The following SLC16A12 variants were observed in gnomAD, a reference collection of about 807,000 sequenced individuals.
SLC16A12 encodes the protein solute carrier family 16 member 12.
In SLC16A12, 17 loss-of-function variants were observed where a neutral mutation model predicts 42.4. That is an observed-to-expected ratio of 0.40 (90% CI 0.27 to 0.60). The LOEUF is 0.60. SLC16A12 is among the 20% of genes least tolerant of loss of function. The pLI, the probability that SLC16A12 is intolerant of heterozygous loss-of-function variation, is 0.42. For missense variants in SLC16A12, 544 were observed against 623.0 expected (o/e 0.87, Z 1.35); for synonymous variants, 224 against 229.4 (o/e 0.98, Z 0.21).
intron 2 of SLC16A12, among the ~76,000 whole-genome samples, chr10:89,482,675 T>A (rs972689750): frequency 5.3e-5 from 8 of 151,616 alleles, no homozygotes; most frequent in Middle Eastern, 3.4e-3. Context: ...TCCCAGCTAC[T>A]AGGGAAGCTG....
intron 2 of SLC16A12, chr10:89,468,055 T>A (rs1842433245): frequency 6.6e-6 from 1 of 152,216 alleles, no homozygotes; most frequent in South Asian, 2.1e-4. Flanking sequence ...CATTTCCACA[T>A]GTAATAAGTT....
intron 3 of SLC16A12, among the ~76,000 whole-genome samples, chr10:89,457,160 CA>C (rs901414859): frequency 4.5e-4 from 69 of 152,014 alleles, no homozygotes; most frequent in African/African-American, 1.6e-3. Flanking sequence ...TTCTGCACAG[CA>C]AAAGAAACTA....
intron 2 of SLC16A12, among the ~76,000 whole-genome samples, chr10:89,477,334 G>A (rs1161908487): frequency 6.6e-6 from 1 of 152,162 alleles, no homozygotes; most frequent in Non-Finnish European, 1.5e-5. Context: ...GGAGGCCGAG[G>A]TGGGCGGATC....
chr10:89,441,338 C>A lies in SLC16A12; in HGVS notation c.305-87G>T, dbSNP rs1841907629. 3.2e-6 allele frequency: 5 copies of A among 1,544,340 alleles called. No homozygotes were observed. The African/African-American group carries it at 4.1e-5, about 13-fold the overall frequency. The stretch of plus-strand genomic sequence containing the variant: ...GATGTGGCATTGACAGAGGAGAGAA[C>A]CTTTAAAGCATTGAGCCCACCCTAT... On this transcript the variant is annotated intron_variant, in intron 4 of 7. Transcript: ENST00000371790.
At chr10:89,481,664 T>TGTGTGTGAGA (rs559651910) in intron 2 of SLC16A12, among the ~76,000 whole-genome samples, 6 of 139,570 alleles carry the variant, frequency 4.3e-5, no homozygotes, top group East Asian at 2.2e-4. Context: ...TGTGTGTGTG[T>TGTGTGTGAGA]GAGAGAGAGA....
At chr10:89,479,306 CT>C (rs199616415) in intron 2 of SLC16A12, among the ~76,000 whole-genome samples, 35 of 147,470 alleles carry the variant, frequency 2.4e-4, no homozygotes, top group East Asian at 7.9e-4. Flanking sequence ...CACTCTTTCT[CT>C]TTTTTTTTTT....
At chr10:89,486,061 A>G (rs2133795831) in intron 2 of SLC16A12, among the ~76,000 whole-genome samples, 1 of 152,338 alleles carries the variant, frequency 6.6e-6, no homozygotes, top group African/African-American at 2.4e-5. Flanking sequence ...AAGATGTAAA[A>G]TAACAAAAGA....
At chr10:89,531,519 T>C (rs1040091576) in intron 2 of SLC16A12, among the ~76,000 whole-genome samples, 1 of 152,278 alleles carries the variant, frequency 6.6e-6, no homozygotes, top group African/African-American at 2.4e-5. Context: ...ATTAAGATGA[T>C]AGCTATTTCC....
chr10:89,458,240 T>C (rs1842231433), intron 3 of SLC16A12, among the ~76,000 whole-genome samples: 1 of 152,352 alleles, frequency 6.6e-6, no homozygotes, highest in Admixed American at 6.5e-5. Flanking sequence ...TTAGCCCATA[T>C]ACCTCTGGCC....
intron 3 of SLC16A12, among the ~76,000 whole-genome samples, chr10:89,458,482 T>A (rs1842236836): frequency 6.6e-6 from 1 of 152,194 alleles, no homozygotes; most frequent in Non-Finnish European, 1.5e-5. Flanking sequence ...CCCTTAGTTA[T>A]CCAATTGAAA....
intron 2 of SLC16A12, among the ~76,000 whole-genome samples, chr10:89,501,673 C>T (rs189797647): frequency 2.0e-3 from 300 of 152,206 alleles, no homozygotes; most frequent in South Asian, 5.0e-3. Context: ...ATCACTCGAA[C>T]CCAGGAGATG....
At chr10:89,530,317 G>A (rs1380539254) in intron 2 of SLC16A12, among the ~76,000 whole-genome samples, 1 of 151,820 alleles carries the variant, frequency 6.6e-6, no homozygotes, top group Non-Finnish European at 1.5e-5. Context: ...GCTTGTTCAT[G>A]TTGCTTTTTA....
At chr10:89,460,630 A>G (rs915545834) in intron 3 of SLC16A12, among the ~76,000 whole-genome samples, 1 of 151,226 alleles carries the variant, frequency 6.6e-6, no homozygotes, top group Non-Finnish European at 1.5e-5. Context: ...CTGTAATCCT[A>G]GCTACTCCAG....
At position 89,484,118 on chromosome 10, in the gene SLC16A12, G is replaced by T. The variant is rs144376116; in HGVS notation, c.-46-21494C>A. ...AGCCTGGGCAACATAGCAAGACACT[G>T]TCTCAAAAGAAAAAAGTTACTAAGT... On this transcript the variant is annotated intron_variant, in intron 2 of 7. Coordinates refer to ENST00000371790, the MANE Select transcript of SLC16A12 (RefSeq NM_213606.4). 2.4e-3 allele frequency among the ~76,000 whole-genome samples: 360 copies of T among 152,276 alleles called. 1 individual carries two copies. The highest frequency in any genetic ancestry group is 8.2e-3 in the African/African-American group (340 of 41,554).
At chr10:89,467,711 G>C (rs753784255) in intron 2 of SLC16A12, among the ~76,000 whole-genome samples, 1 of 152,112 alleles carries the variant, frequency 6.6e-6, no homozygotes, top group Admixed American at 6.5e-5. Flanking sequence ...AATTGAGCTG[G>C]TATGATTAAG....
chr10:89,538,509 C>T (rs1429349111), upstream of SLC16A12, among the ~76,000 whole-genome samples: 1 of 152,158 alleles, frequency 6.6e-6, no homozygotes, highest in Non-Finnish European at 1.5e-5. Context: ...AAAACGTTTT[C>T]TTCATCACAG....
At chr10:89,455,815 T>C (rs1251249031) in intron 3 of SLC16A12, among the ~76,000 whole-genome samples, 1 of 152,198 alleles carries the variant, frequency 6.6e-6, no homozygotes, top group East Asian at 1.9e-4. Context: ...CTCAGTTTCT[T>C]TATCTCTAAA....
intron 2 of SLC16A12, among the ~76,000 whole-genome samples, chr10:89,521,576 TCTCCCATGACC>T (rs1843357635): frequency 6.6e-6 from 1 of 152,044 alleles, no homozygotes. Flanking sequence ...TTCCGGCCCC[TCTCCCATGACC>T]CTCACCCCCA....
intron 2 of SLC16A12, among the ~76,000 whole-genome samples, chr10:89,477,564 CAAAAAAAAAA>C (rs34204051): frequency 2.0e-5 from 1 of 49,258 alleles, no homozygotes; most frequent in Non-Finnish European, 3.8e-5. Context: ...AACTCTGTCT[CAAAAAAAAAA>C]AAAAAAAAAA....
Sources: gnomAD v4.1 joint callset for allele counts (sites outside exome capture counted in the v4.1 genomes callset) on GRCh38, gnomAD v4.1.1 for gene constraint, MANE v1.5 for transcripts, NCBI Gene and HGNC (gene_info 2026-07-23, HGNC 2026-07-21) for gene names.